The following ZMAT4 variants were observed in gnomAD, a reference collection of about 807,000 sequenced individuals.
The protein encoded by ZMAT4 is zinc finger matrin-type 4, also known as zinc finger matrin-type protein 4.
In ZMAT4, 17 loss-of-function variants were observed where a neutral mutation model predicts 28.7. The observed-to-expected ratio is 0.59, with a 90% confidence interval of 0.41 to 0.89. ZMAT4 has a LOEUF of 0.89. Among genes scored for constraint, ZMAT4 ranks in the 40% least tolerant of loss-of-function variants. The probability of loss-of-function intolerance (pLI) is 0.00; values close to 1 mark genes in which losing one functional copy is unlikely to be tolerated. For missense variants in ZMAT4, 240 were observed against 283.8 expected (o/e 0.85, Z 1.11); for synonymous variants, 117 against 109.2 (o/e 1.07, Z -0.44).
At chr8:40,760,267 C>G (rs1200820501) in intron 3 of ZMAT4, among the ~76,000 whole-genome samples, 2 of 152,230 alleles carry the variant, frequency 1.3e-5, no homozygotes, top group African/African-American at 4.8e-5. Flanking sequence ...GACATTCCCC[C>G]TATTGCAATA....
chr8:40,734,120 A>G (rs191967317), intron 3 of ZMAT4, among the ~76,000 whole-genome samples: 1 of 152,352 alleles, frequency 6.6e-6, no homozygotes, highest in East Asian at 1.9e-4. Context: ...GAATGAGGAT[A>G]GCAAGCTACA....
At chr8:40,888,528 C>T (rs1345094413) in intron 1 of ZMAT4, 2 of 152,378 alleles carry the variant, frequency 1.3e-5, no homozygotes, top group Non-Finnish European at 2.9e-5. Context: ...TCCCAATTAG[C>T]CTGTGAACGG....
chr8:40,841,158 A>G (rs1214384231), intron 1 of ZMAT4, among the ~76,000 whole-genome samples: 1 of 152,172 alleles, frequency 6.6e-6, no homozygotes, highest in Non-Finnish European at 1.5e-5. Flanking sequence ...TCCAGGGTGA[A>G]ACGTAGTAGA....
chr8:40,668,002 A>G (rs1808501206), intron 5 of ZMAT4, among the ~76,000 whole-genome samples: 2 of 152,186 alleles, frequency 1.3e-5, no homozygotes, highest in South Asian at 2.1e-4. Flanking sequence ...TAGGAAAGGC[A>G]TACCTAATAT....
intron 5 of ZMAT4, among the ~76,000 whole-genome samples, chr8:40,657,026 TTTA>T (rs1295088695): frequency 6.6e-6 from 1 of 152,166 alleles, no homozygotes; most frequent in Non-Finnish European, 1.5e-5. Flanking sequence ...TCAGTATTTA[TTTA>T]TTATTTATTT....
chr8:40,808,715 GAA>G, intron 2 of ZMAT4: 2 of 221,564 alleles, frequency 9.0e-6, no homozygotes, highest in Non-Finnish European at 1.9e-5. Flanking sequence ...TGAAGAGGAA[GAA>G]AAAAAAAAGA....
chr8:40,878,609 C>T (rs1465243416), intron 1 of ZMAT4, among the ~76,000 whole-genome samples: 2 of 152,220 alleles, frequency 1.3e-5, no homozygotes, highest in Non-Finnish European at 2.9e-5. Flanking sequence ...TGCTACATAT[C>T]CTCAAAATAT....
At chr8:40,713,001 A>G (rs12542384) in intron 3 of ZMAT4, among the ~76,000 whole-genome samples, 57,984 of 149,902 alleles carry the variant, frequency 0.39, 12,205 homozygotes, top group Non-Finnish European at 0.48. Flanking sequence ...ACGGATACTA[A>G]ATAATTAAGA....
chr8:40,609,226 C>T (rs756200824), intron 5 of ZMAT4, among the ~76,000 whole-genome samples: 9 of 152,258 alleles, frequency 5.9e-5, no homozygotes, highest in Middle Eastern at 3.4e-3. Context: ...CAAATTTTAT[C>T]GTCAGATTCA....
chr8:40,722,251 G>A (rs1241502572), intron 3 of ZMAT4, among the ~76,000 whole-genome samples: 3 of 152,096 alleles, frequency 2.0e-5, no homozygotes, highest in Non-Finnish European at 4.4e-5. Context: ...TACAAAATGG[G>A]AGAAAATTTT....
intron 3 of ZMAT4, among the ~76,000 whole-genome samples, chr8:40,754,532 G>C (rs1380185614): frequency 6.6e-6 from 1 of 152,122 alleles, no homozygotes; most frequent in Non-Finnish European, 1.5e-5. Flanking sequence ...CCAATGACGA[G>C]TTCTACTATT....
chr8:40,763,919 A>C (rs1019379230), intron 3 of ZMAT4, among the ~76,000 whole-genome samples: 3 of 152,146 alleles, frequency 2.0e-5, no homozygotes, highest in African/African-American at 4.8e-5. Context: ...AATACTGTTT[A>C]CTTAAAACTG....
chr8:40,708,435 A>G (rs1030934280), intron 3 of ZMAT4, among the ~76,000 whole-genome samples: 1 of 152,128 alleles, frequency 6.6e-6, no homozygotes, highest in Non-Finnish European at 1.5e-5. Context: ...TAGAATTAAA[A>G]CTGAGGACAA....
chr8:40,894,391 A>G (rs1818799105), intron 1 of ZMAT4, among the ~76,000 whole-genome samples: 1 of 152,102 alleles, frequency 6.6e-6, no homozygotes, highest in African/African-American at 2.4e-5. Flanking sequence ...TGCACAAAAC[A>G]TCTACAATTA....
chr8:40,823,706 CGT>C (rs960003810), intron 2 of ZMAT4, among the ~76,000 whole-genome samples: 37 of 91,382 alleles, frequency 4.0e-4, no homozygotes, highest in Non-Finnish European at 6.8e-4. Flanking sequence ...CACACACACA[CGT>C]GTGTGTGTGT....
chr8:40,742,300 TA>T (rs1267428938), intron 3 of ZMAT4, among the ~76,000 whole-genome samples: 2 of 150,968 alleles, frequency 1.3e-5, no homozygotes, highest in East Asian at 1.9e-4. Flanking sequence ...CAATTCTGCC[TA>T]AAAAACCATA....
intron 2 of ZMAT4, among the ~76,000 whole-genome samples, chr8:40,793,011 T>C (rs971176723): frequency 3.3e-5 from 5 of 152,004 alleles, no homozygotes; most frequent in African/African-American, 1.2e-4. Context: ...TGTATGATAC[T>C]GTGATGGTGG....
intron 2 of ZMAT4, among the ~76,000 whole-genome samples, chr8:40,796,963 C>A (rs989108047): frequency 1.3e-5 from 2 of 152,200 alleles, no homozygotes; most frequent in Non-Finnish European, 2.9e-5. Flanking sequence ...AGCCAGTTCG[C>A]CTGATCTTCA....
chr8:40,799,833 C>A (rs1439439604), intron 2 of ZMAT4, among the ~76,000 whole-genome samples: 6 of 151,976 alleles, frequency 3.9e-5, no homozygotes, highest in Non-Finnish European at 1.5e-5. Flanking sequence ...TGAGATACAC[C>A]AACCATGAAG....
Sources: allele counts gnomAD v4.1 joint callset (sites outside exome capture counted in the v4.1 genomes callset), GRCh38; gene constraint gnomAD v4.1.1; transcripts MANE v1.5; gene names NCBI Gene and HGNC (gene_info 2026-07-23, HGNC 2026-07-21).